SAMSN1: variants seen among roughly 807,000 people sequenced by gnomAD.
The protein encoded by SAMSN1 is SAM domain-containing protein SAMSN-1.
In SAMSN1, 31 loss-of-function variants were observed where a neutral mutation model predicts 42.0. The ratio of observed to expected loss-of-function variants is 0.74; its 90% confidence interval spans 0.55 to 1.00. SAMSN1 has a LOEUF of 1.00. SAMSN1 is among the 50% of genes least tolerant of loss of function. SAMSN1 has a pLI of 0.00. For synonymous variants in SAMSN1, 178 were observed against 151.9 expected (o/e 1.17, Z -1.26); for missense variants, 464 against 439.4 (o/e 1.06, Z -0.50).
intron 7 of SAMSN1, among the ~76,000 whole-genome samples, chr21:14,493,113 G>A (rs972690460): frequency 6.6e-6 from 1 of 151,772 alleles, no homozygotes; most frequent in South Asian, 2.1e-4. Context: ...CATCGACTTG[G>A]GCAGGCAGGC....
intron 2 of SAMSN1, among the ~76,000 whole-genome samples, chr21:14,578,830 G>A (rs768235275): frequency 1.3e-5 from 2 of 151,800 alleles, no homozygotes; most frequent in Admixed American, 6.6e-5. Context: ...TGCATATCTT[G>A]GCACGTATAT....
At chr21:14,513,627 G>C (rs1373081583) in intron 3 of SAMSN1, among the ~76,000 whole-genome samples, 1 of 152,174 alleles carries the variant, frequency 6.6e-6, no homozygotes, top group African/African-American at 2.4e-5. Context: ...GGTGATGTGA[G>C]AGAATTTGTT....
chr21:14,606,402 T>A (rs1982572854), intron 5 of SAMSN1, among the ~76,000 whole-genome samples: 2 of 152,180 alleles, frequency 1.3e-5, no homozygotes, highest in South Asian at 4.1e-4. Context: ...CTTTCTGGTA[T>A]AAAATATGAA....
chr21:14,655,270 A>G (rs1028874023), intron 1 of SAMSN1, among the ~76,000 whole-genome samples: 1 of 151,790 alleles, frequency 6.6e-6, no homozygotes, highest in Non-Finnish European at 1.5e-5. Context: ...TGCAGCATAG[A>G]AGGATAAATA....
intron 4 of SAMSN1, among the ~76,000 whole-genome samples, chr21:14,611,795 G>T (rs182526739): frequency 1.1e-4 from 17 of 152,254 alleles, no homozygotes; most frequent in South Asian, 4.1e-4. Flanking sequence ...CCATTGTGGG[G>T]TATCACTTTA....
At chr21:14,544,887 A>C (rs532385002) in intron 1 of SAMSN1, among the ~76,000 whole-genome samples, 2 of 152,122 alleles carry the variant, frequency 1.3e-5, no homozygotes, top group Non-Finnish European at 2.9e-5. Flanking sequence ...ATTAACTTTT[A>C]TGATCTTCCC....
upstream of SAMSN1, among the ~76,000 whole-genome samples, chr21:14,587,655 A>C (rs561776271): frequency 7.9e-5 from 12 of 152,118 alleles, no homozygotes; most frequent in Admixed American, 2.0e-4. Context: ...CTCCCAATTT[A>C]TTTCTTTCCC....
intron 5 of SAMSN1, among the ~76,000 whole-genome samples, chr21:14,507,873 A>T (rs1250184212): frequency 1.3e-5 from 2 of 152,182 alleles, no homozygotes; most frequent in African/African-American, 4.8e-5. Context: ...GACCAATGGA[A>T]CAGAAAAGAG....
In SAMSN1 at chr21:14,564,965, G is replaced by T. The variant is rs113029308; in HGVS notation, c.261+17171C>A. On this transcript the variant is annotated intron_variant, in intron 2 of 8. Transcript: ENST00000285670. Reference sequence around the variant, plus strand: ...ATTGAGCAGAGGGGCAACAAAAAGGGCACACCAGGGAGCTTGTAAAACCAA... The same window carrying T: ...ATTGAGCAGAGGGGCAACAAAAAGGTCACACCAGGGAGCTTGTAAAACCAA... Among the ~76,000 whole-genome samples, 1,066 of 152,150 alleles carry T rather than the reference G, an allele frequency of 7.0e-3. 9 individuals are homozygous for T. The highest frequency in any genetic ancestry group is 0.024 in the African/African-American group (1,012 of 41,506).
At chr21:14,521,342 G>C (rs1224126493) in intron 1 of SAMSN1, 121 bp from the exon 2 acceptor site, 4 of 616,156 alleles carry the variant, frequency 6.5e-6, no homozygotes, top group South Asian at 4.7e-5. Context: ...GCTTTAAAAA[G>C]CTCTTCTCTC....
chr21:14,612,673 C>T, intron 4 of SAMSN1: 1 of 632,688 alleles, frequency 1.6e-6, no homozygotes, highest in Non-Finnish European at 3.0e-6. Flanking sequence ...GAAAATATTG[C>T]AAATAAATCA....
intron 1 of SAMSN1, among the ~76,000 whole-genome samples, chr21:14,530,395 A>G (rs1236515885): frequency 6.6e-6 from 1 of 152,016 alleles, no homozygotes; most frequent in Non-Finnish European, 1.5e-5. Context: ...TAAGTAAGAA[A>G]GGTAGTGGAA....
At chr21:14,609,626 A>G (rs1463010489) in intron 4 of SAMSN1, 2 of 714,578 alleles carry the variant, frequency 2.8e-6, no homozygotes, top group African/African-American at 3.5e-5. Context: ...TCCAGTAAGT[A>G]TAAGACATTT....
At chr21:14,629,276 G>A (rs575513924) in intron 2 of SAMSN1, among the ~76,000 whole-genome samples, 30 of 152,222 alleles carry the variant, frequency 2.0e-4, no homozygotes, top group African/African-American at 7.2e-4. Flanking sequence ...GTGTTTTAAA[G>A]GTATTAATTA....
intron 2 of SAMSN1, among the ~76,000 whole-genome samples, chr21:14,570,653 C>A (rs543940711): frequency 1.4e-4 from 22 of 152,290 alleles, no homozygotes; most frequent in East Asian, 1.2e-3. Context: ...ATGTTGGAGA[C>A]ATAATCCTAT....
At chr21:14,592,850 T>C (rs2123276851) in intron 7 of SAMSN1, among the ~76,000 whole-genome samples, 1 of 152,278 alleles carries the variant, frequency 6.6e-6, no homozygotes, top group South Asian at 2.1e-4. Flanking sequence ...ATTAAGGAAT[T>C]TCATAATCCT....
intron 6 of SAMSN1, among the ~76,000 whole-genome samples, chr21:14,595,510 G>A (rs1244825871): frequency 1.3e-5 from 2 of 152,108 alleles, no homozygotes; most frequent in African/African-American, 4.8e-5. Flanking sequence ...TTTATTCTGA[G>A]GAGAGTCTGC....
chr21:14,633,115 A>G (rs1490323225), intron 2 of SAMSN1, among the ~76,000 whole-genome samples: 1 of 152,112 alleles, frequency 6.6e-6, no homozygotes, highest in Non-Finnish European at 1.5e-5. Flanking sequence ...AATTTATTTT[A>G]TGTGTCAACA....
At chr21:14,581,606 G>A (rs550532988) in intron 2 of SAMSN1, among the ~76,000 whole-genome samples, 22 of 151,248 alleles carry the variant, frequency 1.5e-4, no homozygotes, top group African/African-American at 2.2e-4. Flanking sequence ...TGATCCTCCC[G>A]CCTCGGCCTC....
Sources: allele counts gnomAD v4.1 joint callset (sites outside exome capture counted in the v4.1 genomes callset), GRCh38; gene constraint gnomAD v4.1.1; transcripts MANE v1.5; gene names NCBI Gene and HGNC (gene_info 2026-07-23, HGNC 2026-07-21).